Variants in ZFR2 observed in about 807,000 individuals in gnomAD.
ZFR2 encodes the protein zinc finger RNA-binding protein 2.
In ZFR2, 104 loss-of-function variants were observed where a neutral mutation model predicts 105.7. The observed-to-expected ratio is 0.98, with a 90% CI of 0.84 to 1.16. The LOEUF (loss-of-function observed/expected upper bound fraction) is 1.16. ZFR2 is among the 50% of genes most tolerant of loss of function. The pLI is 0.00. For synonymous variants in ZFR2, 634 were observed against 597.7 expected (o/e 1.06, Z -0.89); for missense variants, 1,425 against 1,355.5 (o/e 1.05, Z -0.80).
Position 3,806,019 on chromosome 19 carries a change from C to G in ZFR2, c.2750G>C (p.Gly917Ala). ...TGCGCCCTCCTCTCCCTCGCCAGGT[C>G]CCCGTTGCCTCTTCCGGAAGCGGGC... is the stretch of plus-strand genomic sequence containing the variant. ...LGARFRKRQRGPGEGEEGAGE... is the reference protein window; with the variant it reads ...LGARFRKRQRAPGEGEEGAGE... Residue 917 changes from glycine to alanine, a missense_variant, in exon 19 of 19, where the codon GGA becomes GCA. Coordinates refer to ENST00000262961, the MANE Select transcript of ZFR2 (RefSeq NM_015174.2). 6.5e-7 allele frequency: 1 copy of G among 1,547,048 alleles called. No individual in the cohort carries two copies. The highest frequency in any genetic ancestry group is 8.7e-7 in the Non-Finnish European group (1 of 1,147,588).
intron 8 of ZFR2, 114 bp from the exon 9 acceptor site, chr19:3,822,314 T>C: frequency 6.8e-7 from 1 of 1,470,300 alleles, no homozygotes; most frequent in South Asian, 1.3e-5. Context: ...TTTATTTATG[T>C]ATGTCTTTTT....
intron 14 of ZFR2, among the ~76,000 whole-genome samples, chr19:3,812,518 CAGA>C (rs970994640): frequency 6.6e-6 from 1 of 152,068 alleles, no homozygotes; most frequent in African/African-American, 2.4e-5. Flanking sequence ...TCTGTCCTCA[CAGA>C]AGGATTTCCG....
chr19:3,827,522 G>GCAGGACACGGCGCA lies in ZFR2; in HGVS notation c.970_983dup (p.Thr329AlafsTer103). On this transcript the variant is annotated frameshift_variant, in exon 6 of 19. Transcript: ENST00000262961. LOFTEE classifies it high-confidence loss of function. Reference sequence around the variant, plus strand: ...GGGCCGCGTAGGCGTCCGCCCCGGTGCAGGACACGGCGCACAGGTCGCAAT... The same window carrying GCAGGACACGGCGCA: ...GGGCCGCGTAGGCGTCCGCCCCGGTGCAGGACACGGCGCACAGGACACGGCGCACAGGTCGCAAT... 1 of 1,559,728 alleles carries GCAGGACACGGCGCA rather than the reference G, an allele frequency of 6.4e-7. No individual in the cohort carries two copies. The highest frequency in any genetic ancestry group is 8.7e-7 in the Non-Finnish European group (1 of 1,152,700).
intron 10 of ZFR2, among the ~76,000 whole-genome samples, chr19:3,821,058 C>T (rs1297955738): frequency 6.6e-6 from 1 of 151,946 alleles, no homozygotes; most frequent in Middle Eastern, 3.2e-3. Flanking sequence ...GGCACCTCTG[C>T]AGCCGTGTGG....
At chr19:3,853,410 C>T (rs1055083908) in intron 1 of ZFR2, among the ~76,000 whole-genome samples, 2 of 152,084 alleles carry the variant, frequency 1.3e-5, no homozygotes, top group African/African-American at 2.4e-5. Flanking sequence ...TCCCAGACCC[C>T]GGGTTGAGAA....
rs2145198000 is a variant in ZFR2 at position 3,864,139 on chromosome 19, C to G, written c.53+4826G>C. 1.3e-5 allele frequency among the ~76,000 whole-genome samples: 2 copies of G among 152,232 alleles called. 1 individual carries two copies. Among genetic ancestry groups the G allele is most frequent in the South Asian group, 4.1e-4 (2 of 4,822 alleles). On this transcript the variant is annotated intron_variant, in intron 1 of 18. Coordinates refer to ENST00000262961, the MANE Select transcript of ZFR2 (RefSeq NM_015174.2). ...GGAGGAAGTGCCTGTAATCCCAGCA[C>G]TTTAGGAGGGAAAGGCAGGAGATCT...
chr19:3,853,646 AAGGGGATTTGTGGGTGCC>A lies in ZFR2; in HGVS notation c.53+15301_53+15318del, dbSNP rs568762531. On this transcript the variant is annotated intron_variant, in intron 1 of 18. Transcript: ENST00000262961. ...GGAGAGGCCAATCCACAGAGGCAGG[AAGGGGATTTGTGGGTGCC>A]AGGCCCTGAAGGAGGGGTTAAAAGT... Among the ~76,000 whole-genome samples, 1,502 of 152,290 alleles carry A rather than the reference AAGGGGATTTGTGGGTGCC, an allele frequency of 9.9e-3. 18 individuals are homozygous for A. The highest frequency in any genetic ancestry group is 0.016 in the Non-Finnish European group (1,080 of 68,020).
At chr19:3,841,225 G>A (rs968503277) in intron 1 of ZFR2, among the ~76,000 whole-genome samples, 1 of 152,244 alleles carries the variant, frequency 6.6e-6, no homozygotes, top group Non-Finnish European at 1.5e-5. Context: ...CACCCCCTTC[G>A]CAAACCCTCC....
rs1599214276 is a variant in ZFR2 at position 3,805,682 on chromosome 19, T to C, written c.*267A>G. On this transcript the variant is annotated 3_prime_UTR_variant, in exon 19 of 19. Coordinates refer to ENST00000262961, the MANE Select transcript of ZFR2 (RefSeq NM_015174.2). ...CATGCCAAGCTGATTTTTAAAAATA[T>C]TTTGGAGAGATGGGGGTCTCACTCT... The C allele has an allele frequency of 2.6e-6, 1 of 390,652 alleles. No individual in the cohort carries two copies. The highest frequency in any genetic ancestry group is 6.8e-4 in the Middle Eastern group (1 of 1,480). The allele number at this position is 390,652 out of a possible 1,614,324, so 24.2% of individuals were successfully genotyped here.
At position 3,810,829 on chromosome 19, in the gene ZFR2, A is replaced by G. The variant is rs2037755717; in HGVS notation, c.2354T>C (p.Leu785Pro). Residue 785 changes from leucine to proline, a missense_variant, in exon 16 of 19, where the codon CTG (leucine) becomes CCG (proline). Leu to Pro is a moderately conservative substitution (Grantham distance 98, BLOSUM62 -3). Transcript: ENST00000262961. ...CCTGATGACGATCACGCATGGCTGC[A>G]GGCCGCTGGCTCGAGCCTTCGGGGG... is the stretch of plus-strand genomic sequence containing the variant. The part of the protein sequence containing the change: ...ARWFQARASG[L>P]QPCVIVIRVL... 10 of 1,550,204 alleles carry G rather than the reference A, an allele frequency of 6.5e-6. No homozygotes were observed. Among genetic ancestry groups the G allele is most frequent in the Non-Finnish European group, 7.0e-6 (8 of 1,146,790 alleles).
In ZFR2 at chr19:3,823,907, A is replaced by T. The variant is rs2037922694; in HGVS notation, c.1214-504T>A. ...CTGCCCACGCACAGCACGGTGGTCCAGGGCAGAGACTCTTAGACAGACCCG... is the reference window on the plus strand; with the variant it reads ...CTGCCCACGCACAGCACGGTGGTCCTGGGCAGAGACTCTTAGACAGACCCG... On this transcript the variant is annotated intron_variant, in intron 7 of 18. Coordinates refer to ENST00000262961, the MANE Select transcript of ZFR2 (RefSeq NM_015174.2). This position sits in a 1 kb window ranked among gnomAD's most constrained non-coding sequence, Gnocchi z 5.4. 6.6e-6 allele frequency among the ~76,000 whole-genome samples: 1 copy of T among 152,176 alleles called. No individual in the cohort carries two copies. Among genetic ancestry groups the T allele is most frequent in the South Asian group, 2.1e-4 (1 of 4,828 alleles).
At chr19:3,817,146 G>A (rs2145141299) in intron 12 of ZFR2, among the ~76,000 whole-genome samples, 1 of 152,302 alleles carries the variant, frequency 6.6e-6, no homozygotes, top group East Asian at 1.9e-4. Context: ...CGCCCCGCGA[G>A]GTCTGGTGGC....
Position 3,823,510 on chromosome 19 carries a change from GC to G in ZFR2, c.1214-108del. ...GAGAGCCACCCAGACTGCAGGCTGT[GC>G]CATCCCCCTCCCTCCTGTGATGTCA... On this transcript the variant is annotated intron_variant, in intron 7 of 18. Transcript: ENST00000262961. The surrounding 1 kb of genome is among the most constrained non-coding windows in gnomAD (Gnocchi z 5.4). 8.7e-7 allele frequency: 1 copy of G among 1,147,760 alleles called. No individual in the cohort carries two copies. Among genetic ancestry groups the G allele is most frequent in the Non-Finnish European group, 1.2e-6 (1 of 825,816 alleles). 71.1% of individuals were successfully genotyped at this position (1,147,760 alleles called of 1,614,324 possible).
intron 17 of ZFR2, 67 bp from the exon 18 acceptor site, chr19:3,807,336 C>T (rs574365710): frequency 1.1e-5 from 13 of 1,219,176 alleles, no homozygotes; most frequent in Middle Eastern, 2.0e-4. Flanking sequence ...GTGACAGGGC[C>T]GTCCCTCGAC....
Position 3,816,598 on chromosome 19 carries a change from A to G in ZFR2, c.2103+76T>C, listed in dbSNP as rs371956413. 28 of 1,510,660 alleles carry G rather than the reference A, an allele frequency of 1.9e-5. 1 individual carries two copies. The African/African-American group carries it at 2.6e-4, about 14-fold the overall frequency. 93.6% of individuals were successfully genotyped at this position (1,510,660 alleles called of 1,614,324 possible). On this transcript the variant is annotated intron_variant, in intron 13 of 18. Transcript: ENST00000262961. ...TAGTAACAAAGGTCCCCTGCCATCTAGGAGCGCAAGGGGCTGCGGGGAGAG... is the reference window on the plus strand; with the variant it reads ...TAGTAACAAAGGTCCCCTGCCATCTGGGAGCGCAAGGGGCTGCGGGGAGAG...
intron 1 of ZFR2, chr19:3,855,384 T>C (rs150837978): frequency 1.6e-6 from 2 of 1,231,712 alleles, no homozygotes; most frequent in East Asian, 3.2e-5. Flanking sequence ...TATGAGAAAT[T>C]CTGTGTGTAC....
chr19:3,810,804 C>A lies in ZFR2; in HGVS notation c.2379G>T (p.Arg793Ser). The change falls in exon 16 of 19, where the codon AGG (arginine) becomes AGT (serine). Residue 793 changes from arginine (R) to serine (S), a missense_variant. Transcript: ENST00000262961. ...SGLQPCVIVI[R>S]VLRDLCRRVP... is the part of the protein sequence containing the mutation. ...CACGCCGGCAGAGGTCCCTCAGGAC[C>A]CTGATGACGATCACGCATGGCTGCA... 1.3e-6 allele frequency: 2 copies of A among 1,550,414 alleles called. No homozygotes were observed. The highest frequency in any genetic ancestry group is 1.7e-6 in the Non-Finnish European group (2 of 1,146,840).
intron 6 of ZFR2, among the ~76,000 whole-genome samples, chr19:3,825,828 C>T (rs2269909): frequency 0.41 from 61,751 of 151,978 alleles, 12,646 homozygotes; most frequent in African/African-American, 0.45. Context: ...CGGACACCCA[C>T]GTTCTGCACG....
chr19:3,854,870 C>A (rs954810125), intron 1 of ZFR2, among the ~76,000 whole-genome samples: 6 of 152,152 alleles, frequency 3.9e-5, no homozygotes, highest in African/African-American at 1.4e-4. Context: ...CTCAAGTGAT[C>A]CACCTCAGCA....
Sources: gnomAD v4.1 joint callset for allele counts (sites outside exome capture counted in the v4.1 genomes callset) on GRCh38, gnomAD v4.1.1 for gene constraint, Gnocchi (gnomAD v3.1) non-coding constraint, MANE v1.5 for transcripts, NCBI Gene and HGNC (gene_info 2026-07-23, HGNC 2026-07-21) for gene names.